FER: variants seen among roughly 807,000 people sequenced by gnomAD.
The protein encoded by FER is tyrosine-protein kinase Fer.
In FER, 63 loss-of-function variants were observed where a neutral mutation model predicts 111.0. The observed-to-expected ratio is 0.57, with a 90% CI of 0.46 to 0.70. FER has a LOEUF of 0.70. FER is among the 30% of genes least tolerant of loss of function. The probability of loss-of-function intolerance (pLI) is 0.00; values close to 1 mark genes in which losing one functional copy is unlikely to be tolerated. For missense variants in FER, 914 were observed against 954.0 expected (o/e 0.96, Z 0.55); for synonymous variants, 327 against 313.9 (o/e 1.04, Z -0.44).
At chr5:108,800,666 A>G (rs1756542910) in intron 3 of FER, among the ~76,000 whole-genome samples, 1 of 152,164 alleles carries the variant, frequency 6.6e-6, no homozygotes, top group Non-Finnish European at 1.5e-5. Flanking sequence ...CTTTCCTCTT[A>G]ACACAGAAAA....
Position 109,092,302 on chromosome 5 carries a change from A to C in FER, c.1925-8094A>C, listed in dbSNP as rs1253433498. On this transcript the variant is annotated intron_variant, in intron 16 of 19. Coordinates refer to ENST00000281092, the MANE Select transcript of FER (RefSeq NM_005246.4). ...ATGATGGCAAAAAAAAAAAAAAAAA[A>C]AAAAAAAAACATCAGAGGGAAAAAG... Among the ~76,000 whole-genome samples the C allele has an allele frequency of 7.4e-5, 11 of 148,580 alleles. No homozygotes were observed. The South Asian group carries it at 1.7e-3, about 23-fold the overall frequency.
intron 17 of FER, among the ~76,000 whole-genome samples, chr5:109,152,527 C>T (rs1754958277): frequency 6.6e-6 from 1 of 151,698 alleles, no homozygotes; most frequent in African/African-American, 2.4e-5. Context: ...CTCGTGTAGC[C>T]CTCTGGAAAA....
chr5:109,059,994 A>G (rs868004029), intron 16 of FER, among the ~76,000 whole-genome samples: 94 of 152,340 alleles, frequency 6.2e-4, no homozygotes, highest in African/African-American at 2.2e-3. Context: ...CTATTAAACA[A>G]TGAAGAAAAA....
At chr5:109,026,817 T>C (rs1404219151) in intron 13 of FER, among the ~76,000 whole-genome samples, 1 of 152,156 alleles carries the variant, frequency 6.6e-6, no homozygotes, top group African/African-American at 2.4e-5. Context: ...TAGCTGGGAT[T>C]ACAGGCGCCC....
chr5:109,000,111 G>C (rs1764529774), intron 13 of FER, among the ~76,000 whole-genome samples: 1 of 151,534 alleles, frequency 6.6e-6, no homozygotes, highest in East Asian at 1.9e-4. Context: ...ATATTTACTG[G>C]TTAATGTTGA....
At chr5:108,919,341 G>A (rs548458987) in intron 10 of FER, among the ~76,000 whole-genome samples, 2 of 151,974 alleles carry the variant, frequency 1.3e-5, no homozygotes, top group South Asian at 4.2e-4. Flanking sequence ...GATGAGTAAA[G>A]AGTACAGAAA....
chr5:108,930,140 C>A (rs2149578223), intron 10 of FER, among the ~76,000 whole-genome samples: 1 of 151,876 alleles, frequency 6.6e-6, no homozygotes, highest in East Asian at 1.9e-4. Flanking sequence ...CACATTAGTA[C>A]CTTTTTTGTC....
chr5:108,757,647 G>C (rs1189506713), intron 1 of FER, among the ~76,000 whole-genome samples: 1 of 152,116 alleles, frequency 6.6e-6, no homozygotes, highest in East Asian at 1.9e-4. Flanking sequence ...AAAATGTCAG[G>C]AATCTTACGT....
intron 10 of FER, among the ~76,000 whole-genome samples, chr5:108,920,305 A>T (rs1008869981): frequency 6.6e-6 from 1 of 152,084 alleles, no homozygotes; most frequent in Admixed American, 6.5e-5. Context: ...ATGTAGAAGG[A>T]ATGCTTTTGT....
chr5:109,043,355 C>T (rs1229499928), intron 14 of FER, among the ~76,000 whole-genome samples: 2 of 152,052 alleles, frequency 1.3e-5, no homozygotes, highest in Non-Finnish European at 2.9e-5. Flanking sequence ...ATGTGAAGCT[C>T]AAATTTTCCT....
At chr5:108,760,827 C>T (rs920184569) in intron 1 of FER, among the ~76,000 whole-genome samples, 1 of 152,150 alleles carries the variant, frequency 6.6e-6, no homozygotes, top group Non-Finnish European at 1.5e-5. Context: ...TTGTCATTTG[C>T]GTGTTCACTG....
intron 1 of FER, among the ~76,000 whole-genome samples, chr5:108,764,459 G>A (rs1458248741): frequency 6.6e-6 from 1 of 151,956 alleles, no homozygotes; most frequent in Non-Finnish European, 1.5e-5. Flanking sequence ...GTGCAGTGAC[G>A]CCATCTTGGC....
chr5:108,751,009 A>G (rs113193866), intron 1 of FER, among the ~76,000 whole-genome samples: 10,253 of 152,216 alleles, frequency 0.067, 427 homozygotes, highest in South Asian at 0.086. Context: ...CCTGACCAAA[A>G]TGGAGAAACA....
At chr5:108,824,950 C>T (rs960174712) in intron 3 of FER, among the ~76,000 whole-genome samples, 38 of 149,706 alleles carry the variant, frequency 2.5e-4, no homozygotes, top group Admixed American at 1.9e-3. Flanking sequence ...GTGATGCCCA[C>T]AAGCCACAAA....
rs1387902591 is a variant in FER at position 108,989,996 on chromosome 5, C to T, written c.1656+30649C>T. 2.0e-5 allele frequency among the ~76,000 whole-genome samples: 3 copies of T among 151,844 alleles called. No individual in the cohort carries two copies. The East Asian group carries it at 5.8e-4, about 29-fold the overall frequency. ...ATGTCATAATACTTTTTGTGTCCCC[C>T]TAGTGCCTTGTACTTACTAGATACT... On this transcript the variant is annotated intron_variant, in intron 13 of 19. Transcript: ENST00000281092.
chr5:108,926,914 A>G (rs1035093872), intron 10 of FER, among the ~76,000 whole-genome samples: 3 of 152,166 alleles, frequency 2.0e-5, no homozygotes, highest in African/African-American at 4.8e-5. Context: ...TCACGAGAGT[A>G]TATTTTAGGC....
intron 3 of FER, among the ~76,000 whole-genome samples, chr5:108,816,170 C>G (rs566760399): frequency 2.0e-5 from 3 of 151,784 alleles, no homozygotes; most frequent in African/African-American, 7.3e-5. Flanking sequence ...ATATTAGGAA[C>G]GATTTGAGCT....
At chr5:109,012,582 C>T (rs1766431978) in intron 13 of FER, among the ~76,000 whole-genome samples, 1 of 152,190 alleles carries the variant, frequency 6.6e-6, no homozygotes, top group Admixed American at 6.6e-5. Flanking sequence ...TAAAGCCTTT[C>T]CAAAAATTTG....
intron 10 of FER, among the ~76,000 whole-genome samples, chr5:108,939,671 A>C (rs761385838): frequency 7.2e-5 from 11 of 152,060 alleles, no homozygotes; most frequent in Non-Finnish European, 1.3e-4. Flanking sequence ...TTAGCTGACA[A>C]AAGAAGTACA....
Sources: gnomAD v4.1 joint callset for allele counts (sites outside exome capture counted in the v4.1 genomes callset) on GRCh38, gnomAD v4.1.1 for gene constraint, MANE v1.5 for transcripts, NCBI Gene and HGNC (gene_info 2026-07-23, HGNC 2026-07-21) for gene names.